The following TAFA1 variants were observed in gnomAD, a reference collection of about 807,000 sequenced individuals.
TAFA1 encodes the protein chemokine-like protein TAFA-1.
A neutral mutation model predicts 18.5 loss-of-function variants in TAFA1; 4 were observed. The ratio of observed to expected loss-of-function variants is 0.22; its 90% confidence interval spans 0.11 to 0.49. The LOEUF (loss-of-function observed/expected upper bound fraction) is 0.49, where lower values mean the gene tolerates loss of function less well. Among genes scored for constraint, TAFA1 ranks in the 20% least tolerant of loss-of-function variants. The pLI, the probability that TAFA1 is intolerant of heterozygous loss-of-function variation, is 0.98. For missense variants in TAFA1, 147 were observed against 169.0 expected, an observed-to-expected ratio of 0.87 and a Z score of 0.72; for synonymous variants, 56 against 55.2, an observed-to-expected ratio of 1.01 and a Z score of -0.06.
intron 2 of TAFA1, among the ~76,000 whole-genome samples, chr3:68,368,396 G>C (rs1012156061): frequency 3.3e-5 from 5 of 152,084 alleles, no homozygotes; most frequent in African/African-American, 1.2e-4. Context: ...TCACCTTTGG[G>C]GCCAGAATTT....
At chr3:68,407,607 T>G (rs2070636073) in intron 2 of TAFA1, among the ~76,000 whole-genome samples, 1 of 152,142 alleles carries the variant, frequency 6.6e-6, no homozygotes, top group Non-Finnish European at 1.5e-5. Flanking sequence ...AATAATGTAG[T>G]TCTTAAAACA....
chr3:68,377,953 A>G (rs889336775), intron 2 of TAFA1, among the ~76,000 whole-genome samples: 1 of 152,180 alleles, frequency 6.6e-6, no homozygotes, highest in African/African-American at 2.4e-5. Flanking sequence ...ACACAGAAGA[A>G]TTGAGGTTTG....
intron 3 of TAFA1, among the ~76,000 whole-genome samples, chr3:68,515,877 C>T (rs375640620): frequency 1.3e-5 from 2 of 152,144 alleles, no homozygotes; most frequent in Admixed American, 6.5e-5. Context: ...ACTGTGAACA[C>T]GAGCTCCTCT....
At chr3:68,455,780 C>T (rs886543415) in intron 3 of TAFA1, among the ~76,000 whole-genome samples, 3 of 152,086 alleles carry the variant, frequency 2.0e-5, no homozygotes, top group South Asian at 2.1e-4. Context: ...TTTATTGTTC[C>T]AGGATTGATA....
At chr3:68,017,388 C>G (rs985366919) in intron 2 of TAFA1, among the ~76,000 whole-genome samples, 1 of 152,194 alleles carries the variant, frequency 6.6e-6, no homozygotes, top group Non-Finnish European at 1.5e-5. Context: ...TTGCCAATCT[C>G]CAGACTTCTA....
intron 2 of TAFA1, among the ~76,000 whole-genome samples, chr3:68,148,279 G>A (rs1351629094): frequency 6.6e-6 from 1 of 152,148 alleles, no homozygotes; most frequent in African/African-American, 2.4e-5. Context: ...ACTATTTGAC[G>A]TAGCATAGCA....
intron 2 of TAFA1, among the ~76,000 whole-genome samples, chr3:68,011,378 C>A (rs1704467866): frequency 6.6e-6 from 1 of 152,050 alleles, no homozygotes; most frequent in Admixed American, 6.5e-5. Flanking sequence ...GTAATTTATA[C>A]TTGACCTGAT....
At chr3:68,320,363 C>G (rs1276153593) in intron 2 of TAFA1, among the ~76,000 whole-genome samples, 1 of 152,148 alleles carries the variant, frequency 6.6e-6, no homozygotes, top group African/African-American at 2.4e-5. Flanking sequence ...CTGCTCTGGG[C>G]AAGGAGAGGC....
chr3:67,998,996 C>G, the TAFA1 span, among the ~76,000 whole-genome samples: 1 of 152,260 alleles, frequency 6.6e-6, no homozygotes, highest in South Asian at 2.1e-4. Flanking sequence ...GATCTTTCTT[C>G]TAGCTTACTA....
intron 2 of TAFA1, among the ~76,000 whole-genome samples, chr3:68,059,988 C>T (rs1033837968): frequency 5.9e-5 from 9 of 151,930 alleles, no homozygotes; most frequent in African/African-American, 1.2e-4. Flanking sequence ...GCTAAGCACA[C>T]GGCATTCTTT....
At chr3:68,065,483 T>C (rs955183508) in intron 2 of TAFA1, among the ~76,000 whole-genome samples, 3 of 152,106 alleles carry the variant, frequency 2.0e-5, no homozygotes, top group East Asian at 1.9e-4. Context: ...TTCCCCTTTA[T>C]GTTTAAAGAA....
At chr3:68,087,830 A>T (rs528423819) in intron 2 of TAFA1, among the ~76,000 whole-genome samples, 53 of 152,086 alleles carry the variant, frequency 3.5e-4, no homozygotes, top group Middle Eastern at 3.4e-3. Flanking sequence ...TATATATACG[A>T]TCTCTTACTA....
chr3:68,352,302 A>G (rs1033194133), intron 2 of TAFA1, among the ~76,000 whole-genome samples: 1 of 151,946 alleles, frequency 6.6e-6, no homozygotes, highest in Non-Finnish European at 1.5e-5. Flanking sequence ...CATGCAGTAC[A>G]CATCATGCAG....
In TAFA1 at chr3:68,541,452, C is replaced by T. The variant is rs529044447; in HGVS notation, c.384+2572C>T. Among the ~76,000 whole-genome samples the T allele has an allele frequency of 2.6e-4, 39 of 152,204 alleles. 1 individual carries two copies. Among genetic ancestry groups the T allele is most frequent in the African/African-American group, 9.2e-4 (38 of 41,528 alleles). ...CTTCTACATCTTATGTATTCTTCTC[C>T]ATCAGAGCACAAATATGCTTACTCA... On this transcript the variant is annotated intron_variant, in intron 4 of 4. Transcript: ENST00000478136.
intron 2 of TAFA1, among the ~76,000 whole-genome samples, chr3:68,106,706 G>T (rs1411056610): frequency 1.3e-5 from 2 of 152,088 alleles, no homozygotes; most frequent in Non-Finnish European, 2.9e-5. Context: ...TAAAGGACTT[G>T]TATTCAGAAT....
chr3:68,431,875 T>C (rs542080062), intron 3 of TAFA1, among the ~76,000 whole-genome samples: 1 of 152,036 alleles, frequency 6.6e-6, no homozygotes, highest in Non-Finnish European at 1.5e-5. Flanking sequence ...TCCTAGCCCT[T>C]TTAAGGGCTT....
chr3:68,112,729 G>A (rs1044788092), intron 2 of TAFA1, among the ~76,000 whole-genome samples: 1 of 151,962 alleles, frequency 6.6e-6, no homozygotes, highest in Non-Finnish European at 1.5e-5. Context: ...TATTAGCAAG[G>A]TTGCTGAATA....
intron 2 of TAFA1, among the ~76,000 whole-genome samples, chr3:68,317,363 G>C (rs1465678307): frequency 6.6e-6 from 1 of 152,164 alleles, no homozygotes; most frequent in Admixed American, 6.5e-5. Context: ...CCATATGTCA[G>C]CTGTAGCTTT....
At chr3:68,239,804 T>C (rs1429115030) in intron 2 of TAFA1, among the ~76,000 whole-genome samples, 1 of 152,156 alleles carries the variant, frequency 6.6e-6, no homozygotes, top group Non-Finnish European at 1.5e-5. Flanking sequence ...GTCAGAACCA[T>C]TTGCAGCCCC....
Sources: gnomAD v4.1 joint callset for allele counts (sites outside exome capture counted in the v4.1 genomes callset) on GRCh38, gnomAD v4.1.1 for gene constraint, MANE v1.5 for transcripts, NCBI Gene and HGNC (gene_info 2026-07-23, HGNC 2026-07-21) for gene names.